BTC: variants seen among roughly 807,000 people sequenced by gnomAD.
The protein encoded by BTC is betacellulin, also known as probetacellulin.
In BTC, 13 loss-of-function variants were observed where a neutral mutation model predicts 18.1. The observed-to-expected ratio is 0.72, with a 90% CI of 0.47 to 1.14. The LOEUF is 1.14. BTC is among the 50% of genes most tolerant of loss of function. The probability of loss-of-function intolerance (pLI) is 0.00; values close to 1 mark genes in which losing one functional copy is unlikely to be tolerated. For synonymous variants in BTC, 83 were observed against 79.4 expected, an observed-to-expected ratio of 1.05 and a Z score of -0.24; for missense variants, 247 against 224.2, an observed-to-expected ratio of 1.10 and a Z score of -0.65.
At chr4:74,782,119 A>G (rs1488963142) in intron 1 of BTC, among the ~76,000 whole-genome samples, 1 of 151,038 alleles carries the variant, frequency 6.6e-6, no homozygotes, top group Non-Finnish European at 1.5e-5. Context: ...TTTTTTTTTC[A>G]TTTTAAGTTC....
chr4:74,790,375 A>G (rs992531272), intron 1 of BTC, among the ~76,000 whole-genome samples: 1 of 152,128 alleles, frequency 6.6e-6, no homozygotes, highest in Non-Finnish European at 1.5e-5. Flanking sequence ...ATTAGCTTTT[A>G]CAGGTGAGTA....
intron 2 of BTC, among the ~76,000 whole-genome samples, chr4:74,762,421 G>A (rs1363307774): frequency 1.3e-5 from 2 of 152,144 alleles, no homozygotes; most frequent in African/African-American, 4.8e-5. Flanking sequence ...AGGATTAAAT[G>A]AATTTATATA....
chr4:74,759,135 T>G (rs1300762625), intron 2 of BTC, among the ~76,000 whole-genome samples: 3 of 152,172 alleles, frequency 2.0e-5, no homozygotes, highest in African/African-American at 7.2e-5. Context: ...CCCAGCGTTT[T>G]CTGCCCATCA....
In BTC at chr4:74,750,558, T is replaced by C. The variant is rs1553956029; in HGVS notation, c.428+15A>G. On this transcript the variant is annotated intron_variant, in intron 4 of 5. Coordinates refer to ENST00000395743, the MANE Select transcript of BTC (RefSeq NM_001729.4). ...TTTCTCAGATTTACTTAAAATTAAG[T>C]TTAAAAATACTTACTGACAGCATGT... is the stretch of plus-strand genomic sequence containing the variant. 2.5e-6 allele frequency: 4 copies of C among 1,592,476 alleles called. No individual in the cohort carries two copies. The Middle Eastern group carries it at 5.0e-4, about 200-fold the overall frequency.
At chr4:74,767,927 C>T (rs1291877138) in intron 2 of BTC, among the ~76,000 whole-genome samples, 3 of 152,060 alleles carry the variant, frequency 2.0e-5, no homozygotes, top group African/African-American at 7.2e-5. Flanking sequence ...CAGTAAAATT[C>T]CTGCAAGAAA....
chr4:74,751,112 T>A (rs1342930016), intron 3 of BTC, among the ~76,000 whole-genome samples: 2 of 152,174 alleles, frequency 1.3e-5, no homozygotes, highest in Non-Finnish European at 2.9e-5. Flanking sequence ...TGCAAATAGT[T>A]TTGATGTTCT....
chr4:74,794,161 G>C, intron 1 of BTC, 101 bp downstream of exon 1: 1 of 1,433,878 alleles, frequency 7.0e-7, no homozygotes, highest in Non-Finnish European at 9.5e-7. Flanking sequence ...GCCCCAGCGC[G>C]CCCTCTTGTC....
chr4:74,771,579 G>A (rs368567056), intron 1 of BTC, among the ~76,000 whole-genome samples: 15 of 152,196 alleles, frequency 9.9e-5, no homozygotes, highest in African/African-American at 3.6e-4. Flanking sequence ...CAAGTTCAAA[G>A]GTCAAGAGTT....
chr4:74,788,304 T>A (rs1725536582), intron 1 of BTC, among the ~76,000 whole-genome samples: 1 of 152,190 alleles, frequency 6.6e-6, no homozygotes, highest in Non-Finnish European at 1.5e-5. Flanking sequence ...TATTAATTTG[T>A]CCACCTTTTA....
intron 1 of BTC, among the ~76,000 whole-genome samples, chr4:74,786,905 G>A (rs1166873582): frequency 6.6e-6 from 1 of 152,024 alleles, no homozygotes; most frequent in Non-Finnish European, 1.5e-5. Context: ...AAGGGATGGA[G>A]AAACCTGTCC....
chr4:74,792,229 T>C (rs1253700827), intron 1 of BTC, among the ~76,000 whole-genome samples: 1 of 152,174 alleles, frequency 6.6e-6, no homozygotes. Context: ...CCCAAGCCAA[T>C]CATTTAACAG....
At chr4:74,751,064 C>A (rs1724447380) in intron 3 of BTC, among the ~76,000 whole-genome samples, 1 of 152,114 alleles carries the variant, frequency 6.6e-6, no homozygotes, top group South Asian at 2.1e-4. Context: ...ACAAGGAACT[C>A]AAAAATCCCC....
At chr4:74,790,768 A>C (rs1032622248) in intron 1 of BTC, among the ~76,000 whole-genome samples, 1 of 152,188 alleles carries the variant, frequency 6.6e-6, no homozygotes, top group Non-Finnish European at 1.5e-5. Flanking sequence ...ACCAATACCA[A>C]CTGAACATTA....
intron 1 of BTC, among the ~76,000 whole-genome samples, chr4:74,780,500 T>A (rs1725289543): frequency 6.6e-6 from 1 of 152,322 alleles, no homozygotes. Context: ...TACCTAAAAA[T>A]GAGCAGGGAT....
chr4:74,764,758 A>T (rs184610915), intron 2 of BTC, among the ~76,000 whole-genome samples: 11 of 152,324 alleles, frequency 7.2e-5, no homozygotes, highest in African/African-American at 2.6e-4. Flanking sequence ...GTTCTCACTT[A>T]TAAGTGGGAG....
At chr4:74,752,651 T>C (rs1339320423) in intron 3 of BTC, among the ~76,000 whole-genome samples, 2 of 152,130 alleles carry the variant, frequency 1.3e-5, no homozygotes, top group Non-Finnish European at 2.9e-5. Context: ...AGTGCTGGGA[T>C]TACAGGCGTG....
intron 1 of BTC, among the ~76,000 whole-genome samples, chr4:74,784,171 G>T (rs1403352688): frequency 1.3e-5 from 2 of 150,858 alleles, no homozygotes; most frequent in African/African-American, 2.5e-5. Flanking sequence ...GGCGGAGGTT[G>T]CAGTGAGCTG....
At chr4:74,785,562 C>A (rs1220429630) in intron 1 of BTC, among the ~76,000 whole-genome samples, 7 of 152,244 alleles carry the variant, frequency 4.6e-5, no homozygotes, top group African/African-American at 1.7e-4. Flanking sequence ...TCAAGCCCTA[C>A]ATTCTAAGCA....
chr4:74,770,670 ACGGGCC>A (rs1374542568), intron 1 of BTC, among the ~76,000 whole-genome samples: 2 of 152,086 alleles, frequency 1.3e-5, no homozygotes, highest in East Asian at 1.9e-4. Flanking sequence ...TCTGAGAAGG[ACGGGCC>A]ACATGTTTTA....
Sources: allele counts gnomAD v4.1 joint callset (sites outside exome capture counted in the v4.1 genomes callset), GRCh38; gene constraint gnomAD v4.1.1; transcripts MANE v1.5; gene names NCBI Gene and HGNC (gene_info 2026-07-23, HGNC 2026-07-21).